Variants in ADAMTS17 observed in about 807,000 individuals in gnomAD.
ADAMTS17 encodes the protein A disintegrin and metalloproteinase with thrombospondin motifs 17.
Under a neutral mutation model 141.5 loss-of-function variants are expected in ADAMTS17, and 113 were observed. That is an observed-to-expected ratio of 0.80 (90% CI 0.69 to 0.93). The LOEUF (loss-of-function observed/expected upper bound fraction) is 0.93. Ranked by LOEUF, ADAMTS17 falls within the 40% of genes least tolerant of loss-of-function variation. The probability of loss-of-function intolerance (pLI) is 0.00; values close to 1 mark genes in which losing one functional copy is unlikely to be tolerated. For missense variants in ADAMTS17, 1,659 were observed against 1,517.9 expected (o/e 1.09, Z -1.54); for synonymous variants, 768 against 630.6 (o/e 1.22, Z -3.27).
intron 18 of ADAMTS17, among the ~76,000 whole-genome samples, chr15:100,011,462 G>C (rs564575435): frequency 8.6e-5 from 13 of 151,118 alleles, no homozygotes; most frequent in African/African-American, 3.2e-4. Flanking sequence ...GGAAGGAAAG[G>C]AGAGAACAAA....
intron 6 of ADAMTS17, among the ~76,000 whole-genome samples, chr15:100,255,189 T>C (rs2043284126): frequency 6.6e-6 from 1 of 152,106 alleles, no homozygotes; most frequent in Non-Finnish European, 1.5e-5. Context: ...TCTTTTCTAA[T>C]ACTGGATCAT....
rs576357178 is a variant in ADAMTS17 at position 100,184,237 on chromosome 15, C to T, written c.1181+15081G>A. ...TCCCCAGTCCATTGGCCAGGGAGAG[C>T]AGACTGTTCTTGGGTTTTATGTCTA... On this transcript the variant is annotated intron_variant, in intron 8 of 21. Transcript: ENST00000268070. Among the ~76,000 whole-genome samples the T allele has an allele frequency of 2.0e-5, 3 of 152,260 alleles. No individual in the cohort carries two copies. In the South Asian group the frequency reaches 6.2e-4, roughly 32 times the overall value.
chr15:100,211,686 G>A (rs1567362429), intron 7 of ADAMTS17, among the ~76,000 whole-genome samples: 2 of 152,068 alleles, frequency 1.3e-5, no homozygotes, highest in Non-Finnish European at 2.9e-5. Flanking sequence ...AGGTAAAGAC[G>A]AAGAAAAGAC....
chr15:100,142,916 G>A (rs563367403), intron 10 of ADAMTS17, among the ~76,000 whole-genome samples: 11 of 152,294 alleles, frequency 7.2e-5, no homozygotes, highest in Admixed American at 1.3e-4. Flanking sequence ...TGCACACCTC[G>A]GGTCCTTGTG....
At chr15:100,194,680 G>T (rs2041044808) in intron 8 of ADAMTS17, among the ~76,000 whole-genome samples, 1 of 152,150 alleles carries the variant, frequency 6.6e-6, no homozygotes, top group Non-Finnish European at 1.5e-5. Context: ...CTTACTTCTG[G>T]ATTTTCCTCT....
At chr15:100,304,459 A>G (rs2045153204) in intron 3 of ADAMTS17, among the ~76,000 whole-genome samples, 1 of 152,172 alleles carries the variant, frequency 6.6e-6, no homozygotes, top group Non-Finnish European at 1.5e-5. Context: ...TAAGCCTTTT[A>G]TCCTGAAAAC....
intron 8 of ADAMTS17, among the ~76,000 whole-genome samples, chr15:100,171,277 C>G (rs75421942): frequency 5.9e-5 from 9 of 152,140 alleles, no homozygotes; most frequent in Middle Eastern, 6.8e-3. Context: ...GGCCTTACCC[C>G]CTTCCTTCCT....
chr15:100,169,821 G>A (rs1596174087), intron 8 of ADAMTS17, among the ~76,000 whole-genome samples: 1 of 152,320 alleles, frequency 6.6e-6, no homozygotes, highest in Non-Finnish European at 1.5e-5. Flanking sequence ...GCAACACAGC[G>A]TGGATGTGGC....
intron 8 of ADAMTS17, among the ~76,000 whole-genome samples, chr15:100,169,122 C>A (rs2040063534): frequency 6.6e-6 from 1 of 152,206 alleles, no homozygotes; most frequent in Non-Finnish European, 1.5e-5. Context: ...GGTTGCTACT[C>A]ATTCAGGTCA....
intron 7 of ADAMTS17, among the ~76,000 whole-genome samples, chr15:100,211,073 C>T (rs1596287640): frequency 1.3e-5 from 2 of 150,676 alleles, no homozygotes; most frequent in Non-Finnish European, 3.0e-5. Context: ...GCACTCCAGC[C>T]TGGGTGATAG....
At chr15:100,080,319 G>A (rs1316266256) in intron 15 of ADAMTS17, among the ~76,000 whole-genome samples, 2 of 152,210 alleles carry the variant, frequency 1.3e-5, no homozygotes, top group Admixed American at 1.3e-4. Context: ...CAAGAAGGGA[G>A]TTACAGTGTT....
At chr15:100,116,534 C>T (rs965521476) in intron 13 of ADAMTS17, among the ~76,000 whole-genome samples, 3 of 152,252 alleles carry the variant, frequency 2.0e-5, no homozygotes, top group African/African-American at 4.8e-5. Flanking sequence ...CTCCTCAGCT[C>T]GTCCTGGGTC....
chr15:100,151,260 A>G (rs1411069192), intron 10 of ADAMTS17, among the ~76,000 whole-genome samples: 10 of 152,172 alleles, frequency 6.6e-5, no homozygotes. Flanking sequence ...GTGTGGATAA[A>G]CGTCCTTTGG....
intron 3 of ADAMTS17, among the ~76,000 whole-genome samples, chr15:100,304,431 A>G (rs1239681050): frequency 6.6e-6 from 1 of 152,212 alleles, no homozygotes; most frequent in African/African-American, 2.4e-5. Flanking sequence ...ATGTAAATTC[A>G]TTCTGACTAC....
intron 14 of ADAMTS17, among the ~76,000 whole-genome samples, chr15:100,100,852 G>C (rs1230929653): frequency 6.6e-6 from 1 of 152,140 alleles, no homozygotes; most frequent in East Asian, 1.9e-4. Flanking sequence ...TCTCATTCCA[G>C]CTGCTCACCA....
intron 12 of ADAMTS17, among the ~76,000 whole-genome samples, chr15:100,125,510 C>A (rs2037685663): frequency 6.6e-6 from 1 of 152,120 alleles, no homozygotes; most frequent in African/African-American, 2.4e-5. Context: ...CTGCTGTGTC[C>A]CAGCTCTGCA....
Position 100,264,973 on chromosome 15 carries a change from CTACAATTAAAAG to C in ADAMTS17, c.790-2550_790-2539del, listed in dbSNP as rs2043659251. 5.3e-5 allele frequency among the ~76,000 whole-genome samples: 8 copies of C among 152,268 alleles called. No individual in the cohort carries two copies. The South Asian group carries it at 1.7e-3, about 32-fold the overall frequency. ...TAAATTTCATGTTAAGTGTATTTTACTACAATTAAAAGTACAAAGTTAACGAATTAAAAAAAT... is the reference window on the plus strand; with the variant it reads ...TAAATTTCATGTTAAGTGTATTTTACTACAAAGTTAACGAATTAAAAAAAT... On this transcript the variant is annotated intron_variant, in intron 4 of 21. Transcript: ENST00000268070.
rs775975196 is a variant in ADAMTS17, at chr15:100,199,271, CA to C, written c.1181+46del. 6.1e-5 allele frequency: 95 copies of C among 1,549,204 alleles called. 1 individual carries two copies. In the African/African-American group the frequency reaches 1.1e-3, roughly 18 times the overall value. On this transcript the variant is annotated intron_variant, in intron 8 of 21. Coordinates refer to ENST00000268070, the MANE Select transcript of ADAMTS17 (RefSeq NM_139057.4). ...AGAATTCAAGTGAAAAATCTGCACTCAAAAAGGACTGAAAGAAAACAGGACG... is the reference window on the plus strand; with the variant it reads ...AGAATTCAAGTGAAAAATCTGCACTCAAAAGGACTGAAAGAAAACAGGACG...
chr15:100,153,934 A>T (rs969315563), intron 9 of ADAMTS17, among the ~76,000 whole-genome samples: 2 of 152,198 alleles, frequency 1.3e-5, no homozygotes, highest in Non-Finnish European at 2.9e-5. Flanking sequence ...TAATCCCAGC[A>T]CTTTGGGAGG....
Sources: gnomAD v4.1 joint callset for allele counts (sites outside exome capture counted in the v4.1 genomes callset) on GRCh38, gnomAD v4.1.1 for gene constraint, MANE v1.5 for transcripts, NCBI Gene and HGNC (gene_info 2026-07-23, HGNC 2026-07-21) for gene names.